DIRAS2: variants seen among roughly 807,000 people sequenced by gnomAD.
DIRAS2 encodes GTP-binding protein Di-Ras2.
DIRAS2 carries 5 observed loss-of-function variants against 13.9 expected under a neutral mutation model. That is an observed-to-expected ratio of 0.36 (90% CI 0.19 to 0.76). The LOEUF (loss-of-function observed/expected upper bound fraction) is 0.76. Ranked by LOEUF, DIRAS2 falls within the 30% of genes least tolerant of loss-of-function variation. DIRAS2 has a pLI of 0.53. For synonymous variants in DIRAS2, 111 were observed against 105.4 expected (o/e 1.05, Z -0.33); for missense variants, 191 against 263.0 (o/e 0.73, Z 1.89).
rs891499610 is a variant in DIRAS2, at chr9:90,613,199, C to T, written c.*29G>A. On this transcript the variant is annotated 3_prime_UTR_variant, in exon 2 of 2. Transcript: ENST00000375765. This position sits in a 1 kb window ranked among gnomAD's most constrained non-coding sequence, Gnocchi z 5.6. The stretch of plus-strand genomic sequence containing the variant: ...TTGGGGGAGTGAGGTGCCGGGGACA[C>T]ACAGCTGCTCCTCCCGCAGGAAGGG... 2.2e-5 allele frequency: 35 copies of T among 1,588,626 alleles called. No individual in the cohort carries two copies. Among genetic ancestry groups the T allele is most frequent in the Non-Finnish European group, 3.0e-5 (35 of 1,166,436 alleles).
At chr9:90,636,703 T>C (rs1825374575) in intron 1 of DIRAS2, among the ~76,000 whole-genome samples, 1 of 152,198 alleles carries the variant, frequency 6.6e-6, no homozygotes. Context: ...GATCAAGTGT[T>C]AACAAAATGG....
chr9:90,630,671 G>A (rs898683944), intron 1 of DIRAS2, among the ~76,000 whole-genome samples: 1 of 152,134 alleles, frequency 6.6e-6, no homozygotes, highest in Non-Finnish European at 1.5e-5. Context: ...TAATATCAAG[G>A]TGCGTATTTT....
chr9:90,633,233 G>C (rs1202383794), intron 1 of DIRAS2, among the ~76,000 whole-genome samples: 1 of 152,208 alleles, frequency 6.6e-6, no homozygotes, highest in Non-Finnish European at 1.5e-5. Context: ...GCTAAGGTGA[G>C]AGCAGAGGAG....
intron 1 of DIRAS2, among the ~76,000 whole-genome samples, chr9:90,622,854 C>T (rs72746508): frequency 0.033 from 4,949 of 152,144 alleles, 136 homozygotes; most frequent in South Asian, 0.12. Flanking sequence ...CGGGGAGAGA[C>T]GGGATAAAAA....
At chr9:90,622,441 G>A (rs193017343) in intron 1 of DIRAS2, among the ~76,000 whole-genome samples, 1 of 151,054 alleles carries the variant, frequency 6.6e-6, no homozygotes, top group East Asian at 1.9e-4. Flanking sequence ...AGTAACATTT[G>A]GATCTTACTT....
rs561547733 is a variant in DIRAS2, at chr9:90,637,754, T to C, written c.-37+4998A>G. On this transcript the variant is annotated intron_variant, in intron 1 of 1. Transcript: ENST00000375765. ...TTTGCAGGGATGGTATTATCTTAGATTAAGGCCGTGGCTCTCCGGCTGTGC... is the reference window on the plus strand; with the variant it reads ...TTTGCAGGGATGGTATTATCTTAGACTAAGGCCGTGGCTCTCCGGCTGTGC... Among the ~76,000 whole-genome samples the C allele has an allele frequency of 3.0e-4, 45 of 152,328 alleles. No individual in the cohort carries two copies. In the South Asian group the frequency reaches 8.5e-3, roughly 29 times the overall value.
intron 1 of DIRAS2, among the ~76,000 whole-genome samples, chr9:90,640,267 G>C (rs996717000): frequency 5.3e-5 from 8 of 152,162 alleles, no homozygotes; most frequent in Admixed American, 2.0e-4. Flanking sequence ...CTGCATTTAG[G>C]AGACAGCTAT....
chr9:90,626,303 C>G (rs59630578), intron 1 of DIRAS2: 8,594 of 151,472 alleles, frequency 0.057, 289 homozygotes, highest in Middle Eastern at 0.1. Flanking sequence ...TACAAACAAG[C>G]CAACTAAAAA....
chr9:90,631,787 C>T (rs1043060005), intron 1 of DIRAS2, among the ~76,000 whole-genome samples: 4 of 152,168 alleles, frequency 2.6e-5, no homozygotes, highest in African/African-American at 9.7e-5. Flanking sequence ...CCCTCTCCTG[C>T]CTCAACATCT....
At chr9:90,626,897 AC>A (rs1423052672) in intron 1 of DIRAS2, among the ~76,000 whole-genome samples, 1 of 152,234 alleles carries the variant, frequency 6.6e-6, no homozygotes, top group Non-Finnish European at 1.5e-5. Context: ...AATGCAGTAT[AC>A]ATAGACAGGT....
chr9:90,612,355 G>A lies in DIRAS2; in HGVS notation c.*873C>T, dbSNP rs995811524. The A allele has an allele frequency of 2.0e-5, 3 of 152,580 alleles. No individual in the cohort carries two copies. Among genetic ancestry groups the A allele is most frequent in the Non-Finnish European group, 4.4e-5 (3 of 68,028 alleles). 9.5% of individuals were successfully genotyped at this position (152,580 alleles called of 1,614,324 possible). A position where few individuals can be genotyped will look rare whatever the true frequency, so the allele number is the denominator to read the frequency against. Reference sequence around the variant, plus strand: ...GAAAACCACCTTGGAGGAAAAAAACGTCTAAAAATAGTGAGTTTATTTGCT... The same window carrying A: ...GAAAACCACCTTGGAGGAAAAAAACATCTAAAAATAGTGAGTTTATTTGCT... On this transcript the variant is annotated 3_prime_UTR_variant, in exon 2 of 2. Transcript: ENST00000375765.
rs770943898 is a variant in DIRAS2, at chr9:90,612,305, G to T, written c.*923C>A. On this transcript the variant is annotated 3_prime_UTR_variant, in exon 2 of 2. Transcript: ENST00000375765. Reference sequence around the variant, plus strand: ...CCTTTGCTGGCTGCTACCCAGCTGGGTACAGATCGAGTTATTTAAGAGAAG... The same window carrying T: ...CCTTTGCTGGCTGCTACCCAGCTGGTTACAGATCGAGTTATTTAAGAGAAG... The T allele has an allele frequency of 6.6e-5, 10 of 152,564 alleles. No homozygotes were observed. The highest frequency in any genetic ancestry group is 1.0e-4 in the Non-Finnish European group (7 of 68,038). 9.5% of individuals were successfully genotyped at this position (152,564 alleles called of 1,614,324 possible).
chr9:90,629,226 A>G (rs1298425480), intron 1 of DIRAS2, among the ~76,000 whole-genome samples: 3 of 152,236 alleles, frequency 2.0e-5, no homozygotes, highest in African/African-American at 4.8e-5. Context: ...ACAAAATTAC[A>G]TATGTGGTTC....
At chr9:90,618,967 T>C (rs980537487) in intron 1 of DIRAS2, among the ~76,000 whole-genome samples, 3 of 151,996 alleles carry the variant, frequency 2.0e-5, no homozygotes, top group African/African-American at 7.2e-5. Flanking sequence ...CATGATGAAA[T>C]CTTGTCTCTA....
At chr9:90,621,381 T>C (rs1023957271) in intron 1 of DIRAS2, among the ~76,000 whole-genome samples, 4 of 151,958 alleles carry the variant, frequency 2.6e-5, no homozygotes, top group Middle Eastern at 3.2e-3. Flanking sequence ...AGGATGCAAA[T>C]GGCAGGTCCG....
chr9:90,634,039 T>G (rs533431834), intron 1 of DIRAS2, among the ~76,000 whole-genome samples: 32 of 152,304 alleles, frequency 2.1e-4, no homozygotes, highest in South Asian at 1.5e-3. Context: ...AACAGCTGAA[T>G]TTACTAGCAA....
At chr9:90,634,573 T>A (rs1825354569) in intron 1 of DIRAS2, among the ~76,000 whole-genome samples, 2 of 152,078 alleles carry the variant, frequency 1.3e-5, no homozygotes, top group Admixed American at 1.3e-4. Context: ...TTCTTTCATA[T>A]CCAAAACCAT....
chr9:90,613,944 A>T lies in DIRAS2; in HGVS notation c.-36-81T>A. 1 of 1,323,140 alleles carries T rather than the reference A, an allele frequency of 7.6e-7. No homozygotes were observed. Among genetic ancestry groups the T allele is most frequent in the South Asian group, 1.6e-5 (1 of 61,462 alleles). The allele number at this position is 1,323,140 out of a possible 1,614,324, so 82.0% of individuals were successfully genotyped here. A position where few individuals can be genotyped will look rare whatever the true frequency, so the allele number is the denominator to read the frequency against. ...ATAAGGATAGCTCTACCCTCTTTTGATAGCTTAAAAATGGGAGGTGATAAC... is the reference window on the plus strand; with the variant it reads ...ATAAGGATAGCTCTACCCTCTTTTGTTAGCTTAAAAATGGGAGGTGATAAC... On this transcript the variant is annotated intron_variant, in intron 1 of 1. Transcript: ENST00000375765. The surrounding 1 kb of genome is among the most constrained non-coding windows in gnomAD (Gnocchi z 5.6).
At chr9:90,617,248 G>C (rs935220824) in intron 1 of DIRAS2, among the ~76,000 whole-genome samples, 1 of 152,190 alleles carries the variant, frequency 6.6e-6, no homozygotes, top group Admixed American at 6.5e-5. Context: ...ACAACAAGGA[G>C]AAAGGAGCTG....
Sources: gnomAD v4.1 joint callset for allele counts (sites outside exome capture counted in the v4.1 genomes callset) on GRCh38, gnomAD v4.1.1 for gene constraint, Gnocchi (gnomAD v3.1) non-coding constraint, MANE v1.5 for transcripts, NCBI Gene and HGNC (gene_info 2026-07-23, HGNC 2026-07-21) for gene names.